Variants in LAMA5 observed in about 807,000 individuals in gnomAD.
The protein encoded by LAMA5 is laminin subunit alpha 5.
LAMA5 carries 260 observed loss-of-function variants against 433.4 expected under a neutral mutation model. That is an observed-to-expected ratio of 0.60 (90% confidence interval 0.54 to 0.66). The LOEUF (loss-of-function observed/expected upper bound fraction) is 0.66, where lower values mean the gene tolerates loss of function less well. Ranked by LOEUF, LAMA5 falls within the 30% of genes least tolerant of loss-of-function variation. The pLI is 0.00. For missense variants in LAMA5, 5,378 were observed against 5,258.5 expected (o/e 1.02, Z -0.70); for synonymous variants, 2,620 against 2,226.6 (o/e 1.18, Z -4.97).
At position 62,332,767 on chromosome 20, in the gene LAMA5, A is replaced by T. The variant is rs1601353064; in HGVS notation, c.3283-50T>A. On this transcript the variant is annotated intron_variant, in intron 26 of 79. Coordinates refer to ENST00000252999, the MANE Select transcript of LAMA5 (RefSeq NM_005560.6). ...AGGCCCGCCACCCCTCGCCCTTCCC[A>T]CCTCCCTCCCCTCCCACTCCAGCGC... is the stretch of plus-strand genomic sequence containing the variant. The T allele has an allele frequency of 3.8e-6, 6 of 1,570,230 alleles. No individual in the cohort carries two copies. In the Admixed American group the frequency reaches 1.1e-4, roughly 30 times the overall value.
chr20:62,336,426 C>T lies in LAMA5; in HGVS notation c.2237G>A (p.Cys746Tyr). ...GCTCGGCCCCTCCACGTGAGCCCGG[C>T]ACATACAGGGAACCTGTGCCTGGGA... Reference protein sequence around the residue: ...ALPEAQVPCMCRAHVEGPSCD... With the variant: ...ALPEAQVPCMYRAHVEGPSCD... Residue 746 changes from cysteine to tyrosine, a missense_variant, in exon 18 of 80, where the codon TGC (cysteine) becomes TAC (tyrosine). Coordinates refer to ENST00000252999, the MANE Select transcript of LAMA5 (RefSeq NM_005560.6). The T allele has an allele frequency of 6.2e-7, 1 of 1,612,478 alleles. No individual in the cohort carries two copies. Among genetic ancestry groups the T allele is most frequent in the South Asian group, 1.1e-5 (1 of 91,068 alleles).
Position 62,328,232 on chromosome 20 carries a change from G to A in LAMA5, c.4652+9C>T, listed in dbSNP as rs1048696475. ...CAGGGGCCGCGCTGACGCCGCTCTGGGCTCTCACTTGCACTGGCCGCTGTC... is the reference window on the plus strand; with the variant it reads ...CAGGGGCCGCGCTGACGCCGCTCTGAGCTCTCACTTGCACTGGCCGCTGTC... On this transcript the variant is annotated intron_variant, in intron 35 of 79. Transcript: ENST00000252999. 1 of 1,595,488 alleles carries A rather than the reference G, an allele frequency of 6.3e-7. No individual in the cohort carries two copies. The highest frequency in any genetic ancestry group is 8.5e-7 in the Non-Finnish European group (1 of 1,170,766).
At chr20:62,352,793 T>C (rs1270312752) in intron 3 of LAMA5, among the ~76,000 whole-genome samples, 4 of 152,164 alleles carry the variant, frequency 2.6e-5, no homozygotes, top group Admixed American at 2.6e-4. Flanking sequence ...TCCAGTACTC[T>C]TGACGCAGGT....
At position 62,335,206 on chromosome 20, in the gene LAMA5, C is replaced by T; in HGVS notation, c.2376+11G>A. On this transcript the variant is annotated intron_variant, in intron 19 of 79. Transcript: ENST00000252999. The stretch of plus-strand genomic sequence containing the variant: ...CCCCCAAATCCCCCACACCTTGGTC[C>T]TCAGACTCACCGGCTGGCACTCAGC... The T allele has an allele frequency of 6.2e-7, 1 of 1,612,804 alleles. No homozygotes were observed. The highest frequency in any genetic ancestry group is 1.1e-5 in the South Asian group (1 of 91,068).
rs139454001 is a variant in LAMA5, at chr20:62,351,727, G to A, written c.933C>T (p.Ala311=). ...ACCTGAACGGGTCCGTGGGGTCTTT[G>A]GCATCGCAGGCATCCGCGTGGCCGT... ...VCHGHADACD[A]KDPTDPFRLQ... Residue 311 remains alanine, a synonymous_variant, in exon 6 of 80, where the codon GCC becomes GCT. Coordinates refer to ENST00000252999, the MANE Select transcript of LAMA5 (RefSeq NM_005560.6). The A allele has an allele frequency of 6.7e-5, 108 of 1,611,826 alleles. No homozygotes were observed. Among genetic ancestry groups the A allele is most frequent in the Middle Eastern group, 1.6e-4 (1 of 6,078 alleles).
chr20:62,319,509 G>A lies in LAMA5; in HGVS notation c.6871+175C>T, dbSNP rs150456954. On this transcript the variant is annotated intron_variant, in intron 51 of 79. Transcript: ENST00000252999. ...CCCGGGGCCACCTGTCTGGCCACAC[G>A]GCTGTGTCGCCGACCTCCTGACCCT... is the stretch of plus-strand genomic sequence containing the variant. Among the ~76,000 whole-genome samples the A allele has an allele frequency of 1.6e-3, 244 of 152,270 alleles. 4 individuals carry two copies. The highest frequency in any genetic ancestry group is 6.9e-4 in the Non-Finnish European group (47 of 68,014).
intron 51 of LAMA5, 104 bp from the exon 52 acceptor site, chr20:62,319,117 C>G (rs1987374862): frequency 7.8e-7 from 1 of 1,283,444 alleles, no homozygotes. Flanking sequence ...CTTGGCAGGC[C>G]AGGGGCCCGG....
chr20:62,367,251 C>T lies in LAMA5; in HGVS notation c.-6G>A, dbSNP rs1986842161. Reference sequence around the variant, plus strand: ...GCGCAGAGCCGCTTCGCCATCTTCCCGGCTCCGGGCCGCGTCCCCGAGCTC... The same window carrying T: ...GCGCAGAGCCGCTTCGCCATCTTCCTGGCTCCGGGCCGCGTCCCCGAGCTC... On this transcript the variant is annotated 5_prime_UTR_variant, in exon 1 of 80. Transcript: ENST00000252999. 1.4e-5 allele frequency: 16 copies of T among 1,167,610 alleles called. No individual in the cohort carries two copies. The highest frequency in any genetic ancestry group is 4.1e-5 in the East Asian group (1 of 24,290). 72.3% of individuals were successfully genotyped at this position (1,167,610 alleles called of 1,614,324 possible). A position where few individuals can be genotyped will look rare whatever the true frequency, so the allele number is the denominator to read the frequency against.
chr20:62,323,902 G>A (rs745520322), intron 43 of LAMA5, 46 bp from the exon 44 acceptor site: 84 of 1,542,188 alleles, frequency 5.4e-5, no homozygotes, highest in Admixed American at 7.6e-5. Context: ...GGCAGTGCCC[G>A]GGCCCGGGCG....
Position 62,337,910 on chromosome 20 carries a change from C to T in LAMA5, c.1920G>A (p.Leu640=). The change falls in exon 15 of 80, where the codon CTG becomes CTA. Residue 640 remains leucine (L), a synonymous_variant. Transcript: ENST00000252999. ...QACTCDPRGA[L]DQLCGAGGLC... is the part of the protein sequence containing the mutation. Reference sequence around the variant, plus strand: ...AACCTCCCGCCCCACAGAGCTGGTCCAGGGCTCCCCGAGGGTCGCAGGTGC... The same window carrying T: ...AACCTCCCGCCCCACAGAGCTGGTCTAGGGCTCCCCGAGGGTCGCAGGTGC... 1.2e-6 allele frequency: 2 copies of T among 1,611,436 alleles called. No individual in the cohort carries two copies. The highest frequency in any genetic ancestry group is 8.5e-7 in the Non-Finnish European group (1 of 1,179,352).
At position 62,310,994 on chromosome 20, in the gene LAMA5, T is replaced by C; in HGVS notation, c.10189A>G (p.Ser3397Gly). ...ATCTGTGCAACGAAGTGGCCATTGC[T>C]CAGGAAGAGCGCCAGGGAGGGGCTG... The part of the protein sequence containing the change: ...PGSPSLALFL[S>G]NGHFVAQMEG... Residue 3397 changes from serine to glycine, a missense_variant, in exon 74 of 80, where the codon AGC becomes GGC. By Grantham distance (56) the Ser-to-Gly change is moderately conservative (BLOSUM62 0). Transcript: ENST00000252999. 1 of 1,610,988 alleles carries C rather than the reference T, an allele frequency of 6.2e-7. No individual in the cohort carries two copies. The highest frequency in any genetic ancestry group is 1.3e-5 in the African/African-American group (1 of 75,010).
chr20:62,312,337 AGTGCCCGCGG>A lies in LAMA5; in HGVS notation c.9361-31_9361-22del, dbSNP rs763472479. On this transcript the variant is annotated intron_variant, in intron 68 of 79. Transcript: ENST00000252999. Reference sequence around the variant, plus strand: ...CCCACCTGCGGGGAGGCCATCCCTGAGTGCCCGCGGGTGCCCCTGCATGTCCACAGATGCC... The same window carrying A: ...CCCACCTGCGGGGAGGCCATCCCTGAGTGCCCCTGCATGTCCACAGATGCC... 18 of 1,605,572 alleles carry A rather than the reference AGTGCCCGCGG, an allele frequency of 1.1e-5. No homozygotes were observed. In the South Asian group the frequency reaches 2.0e-4, roughly 18 times the overall value.
At position 62,309,833 on chromosome 20, in the gene LAMA5, T is replaced by A. The variant is rs982663106; in HGVS notation, c.10831A>T (p.Met3611Leu). 5 of 1,611,526 alleles carry A rather than the reference T, an allele frequency of 3.1e-6. No homozygotes were observed. The highest frequency in any genetic ancestry group is 2.7e-5 in the African/African-American group (2 of 74,930). The part of the protein sequence containing the change: ...CDGQWHRLAV[M>L]KSGNVLRLEV... Reference sequence around the variant, plus strand: ...AGCCGGAGCACATTCCCGCTTTTCATCACTGGGAGAAAGGGGGACTCCTGA... The same window carrying A: ...AGCCGGAGCACATTCCCGCTTTTCAACACTGGGAGAAAGGGGGACTCCTGA... The change falls in exon 79 of 80, where the codon ATG becomes TTG. Residue 3611 changes from methionine to leucine, a missense_variant and splice_region_variant. Coordinates refer to ENST00000252999, the MANE Select transcript of LAMA5 (RefSeq NM_005560.6).
intron 26 of LAMA5, 24 bp from the exon 27 acceptor site, chr20:62,332,741 G>A (rs1438292268): frequency 1.2e-6 from 2 of 1,606,914 alleles, no homozygotes; most frequent in Non-Finnish European, 1.7e-6. Context: ...AGGGTGACGG[G>A]AGGCCCGCCA....
intron 11 of LAMA5, among the ~76,000 whole-genome samples, chr20:62,341,802 G>A (rs529408080): frequency 8.1e-4 from 106 of 131,594 alleles, no homozygotes; most frequent in Non-Finnish European, 1.5e-3. Context: ...TAAACTCAAC[G>A]AACCTCTGTT....
At chr20:62,317,623 G>A (rs376576277) in intron 54 of LAMA5, 39 bp downstream of exon 54, 68 of 1,521,292 alleles carry the variant, frequency 4.5e-5, no homozygotes, top group South Asian at 1.5e-4. Context: ...GGAGTTGGCC[G>A]TGGATGGGGT....
chr20:62,359,994 C>T lies in LAMA5; in HGVS notation c.450+2406G>A, dbSNP rs1985789376. Reference sequence around the variant, plus strand: ...ATCCCAGAACAAAGGCTGCTGGCAGCCCGCTGCAGGGGGAGTGCCCGGACC... The same window carrying T: ...ATCCCAGAACAAAGGCTGCTGGCAGTCCGCTGCAGGGGGAGTGCCCGGACC... On this transcript the variant is annotated intron_variant, in intron 2 of 79. Coordinates refer to ENST00000252999, the MANE Select transcript of LAMA5 (RefSeq NM_005560.6). This position sits in a 1 kb window ranked among gnomAD's most constrained non-coding sequence, Gnocchi z 4.3. Among the ~76,000 whole-genome samples the T allele has an allele frequency of 2.0e-5, 3 of 150,684 alleles. No individual in the cohort carries two copies. The South Asian group carries it at 6.3e-4, about 32-fold the overall frequency.
intron 1 of LAMA5, among the ~76,000 whole-genome samples, chr20:62,365,744 C>T (rs1443680205): frequency 6.6e-6 from 1 of 152,192 alleles, no homozygotes; most frequent in East Asian, 1.9e-4. Context: ...CTGGGGGGCT[C>T]CAAGCAGGTG....
chr20:62,322,693 C>A lies in LAMA5; in HGVS notation c.6130G>T (p.Ala2044Ser). The A allele has an allele frequency of 6.5e-7, 1 of 1,548,784 alleles. No homozygotes were observed. The highest frequency in any genetic ancestry group is 8.7e-7 in the Non-Finnish European group (1 of 1,148,884). Reference protein sequence around the residue: ...DPHSGHCLCKAGVTGRRCDRC... With the variant: ...DPHSGHCLCKSGVTGRRCDRC... ...TCACAGCGCCGCCCAGTCACGCCCGCCTTGCACAGGCAGTGCCCGCTGTGG... is the reference window on the plus strand; with the variant it reads ...TCACAGCGCCGCCCAGTCACGCCCGACTTGCACAGGCAGTGCCCGCTGTGG... Residue 2044 changes from alanine (A) to serine (S), a missense_variant, in exon 46 of 80, where the codon GCG becomes TCG. Ala to Ser is a moderately conservative substitution (Grantham distance 99). Transcript: ENST00000252999.
Sources: allele counts gnomAD v4.1 joint callset (sites outside exome capture counted in the v4.1 genomes callset), GRCh38; gene constraint gnomAD v4.1.1; non-coding constraint Gnocchi (gnomAD v3.1); transcripts MANE v1.5; gene names NCBI Gene and HGNC (gene_info 2026-07-23, HGNC 2026-07-21).